The following KIAA1549L variants were observed in gnomAD, a reference collection of about 807,000 sequenced individuals.
KIAA1549L encodes KIAA1549 like.
A neutral mutation model predicts 160.7 loss-of-function variants in KIAA1549L; 88 were observed. The ratio of observed to expected loss-of-function variants is 0.55; its 90% CI spans 0.46 to 0.65. KIAA1549L has a LOEUF of 0.65. Among genes scored for constraint, KIAA1549L ranks in the 30% least tolerant of loss-of-function variants. KIAA1549L has a pLI of 0.00. For synonymous variants in KIAA1549L, 950 were observed against 976.7 expected (o/e 0.97, Z 0.51); for missense variants, 2,258 against 2,437.5 (o/e 0.93, Z 1.55).
At chr11:33,386,769 T>C (rs1850181333) in intron 1 of KIAA1549L, among the ~76,000 whole-genome samples, 2 of 151,886 alleles carry the variant, frequency 1.3e-5, no homozygotes, top group African/African-American at 4.8e-5. Context: ...AGTTTTGTTT[T>C]GCTAAAAGGT....
rs928112310 is a variant in KIAA1549L, at chr11:33,671,795, T to C, written c.*3641T>C. 2.0e-5 allele frequency: 3 copies of C among 152,238 alleles called. No individual in the cohort carries two copies. Among genetic ancestry groups the C allele is most frequent in the African/African-American group, 7.2e-5 (3 of 41,460 alleles). 9.4% of individuals were successfully genotyped at this position (152,238 alleles called of 1,614,324 possible). A position where few individuals can be genotyped will look rare whatever the true frequency, so the allele number is the denominator to read the frequency against. ...GGTGCTCAACATTTAATGAATAATATAACAGATACTGTCTTAAAAGTTTAA... is the reference window on the plus strand; with the variant it reads ...GGTGCTCAACATTTAATGAATAATACAACAGATACTGTCTTAAAAGTTTAA... On this transcript the variant is annotated 3_prime_UTR_variant, in exon 21 of 21. Transcript: ENST00000658780.
intron 1 of KIAA1549L, among the ~76,000 whole-genome samples, chr11:33,539,573 ACTTT>A (rs1240222930): frequency 6.6e-6 from 1 of 152,200 alleles, no homozygotes; most frequent in East Asian, 1.9e-4. Flanking sequence ...GAACATTGCT[ACTTT>A]CTTCTTTCTC....
chr11:33,668,015 C>T lies in KIAA1549L; in HGVS notation c.6302C>T (p.Ser2101Leu), dbSNP rs574100423. Residue 2101 changes from serine (S) to leucine (L), a missense_variant, in exon 21 of 21, where the codon TCG becomes TTG. Coordinates refer to ENST00000658780, the MANE Select transcript of KIAA1549L (RefSeq NM_012194.3). Reference protein sequence around the residue: ...EQAPAPSTAASQQSLAENDPS... With the variant: ...EQAPAPSTAALQQSLAENDPS... ...GCCCCGGCGCCCTCCACAGCGGCCTCGCAGCAGAGCCTGGCAGAAAACGAC... is the reference window on the plus strand; with the variant it reads ...GCCCCGGCGCCCTCCACAGCGGCCTTGCAGCAGAGCCTGGCAGAAAACGAC... 5.6e-5 allele frequency: 91 copies of T among 1,613,970 alleles called. No individual in the cohort carries two copies. The highest frequency in any genetic ancestry group is 2.0e-4 in the Admixed American group (12 of 60,022).
At chr11:33,628,820 C>G (rs886875115) in intron 16 of KIAA1549L, among the ~76,000 whole-genome samples, 8 of 151,354 alleles carry the variant, frequency 5.3e-5, no homozygotes, top group Non-Finnish European at 1.2e-4. Flanking sequence ...GAATTTGATC[C>G]TGTCATTATG....
intron 1 of KIAA1549L, among the ~76,000 whole-genome samples, chr11:33,399,563 A>G (rs559023174): frequency 2.6e-4 from 39 of 152,276 alleles, no homozygotes; most frequent in African/African-American, 8.9e-4. Flanking sequence ...ATCACCTCCT[A>G]CACAGAGGCA....
chr11:33,471,754 C>T (rs1852182455), intron 1 of KIAA1549L, among the ~76,000 whole-genome samples: 1 of 152,196 alleles, frequency 6.6e-6, no homozygotes, highest in South Asian at 2.1e-4. Context: ...ATCTGTTAGC[C>T]CTATCAGGGA....
intron 1 of KIAA1549L, among the ~76,000 whole-genome samples, chr11:33,427,166 G>T (rs1851133948): frequency 6.6e-6 from 1 of 152,100 alleles, no homozygotes; most frequent in South Asian, 2.1e-4. Flanking sequence ...TATTTCCCTA[G>T]CACAGTCATC....
intron 1 of KIAA1549L, chr11:33,403,326 GACAC>G (rs1396840876): frequency 6.7e-4 from 9 of 13,468 alleles, no homozygotes; most frequent in African/African-American, 3.4e-3. Context: ...GACACACACG[GACAC>G]ACACATGCAG....
rs947156502 is a variant in KIAA1549L at position 33,547,777 on chromosome 11, C to G, written c.3399C>G (p.Thr1133=). Residue 1133 remains threonine, a synonymous_variant, in exon 4 of 21, where the codon ACC becomes ACG. Transcript: ENST00000658780. ...KLLVKTVLFL[T]QRRVQISESL... is the part of the protein sequence containing the mutation. ...TTTACCCCACAGTTCTCTTTCTCAC[C>G]CAAAGGAGAGTGCAGATCAGTGAAT... 1.9e-6 allele frequency: 3 copies of G among 1,611,388 alleles called. No individual in the cohort carries two copies. Among genetic ancestry groups the G allele is most frequent in the Admixed American group, 3.3e-5 (2 of 59,924 alleles).
intron 15 of KIAA1549L, among the ~76,000 whole-genome samples, chr11:33,613,537 A>T (rs1312261411): frequency 1.3e-5 from 2 of 152,188 alleles, no homozygotes; most frequent in Non-Finnish European, 2.9e-5. Flanking sequence ...GGAAAAGCAG[A>T]AGCAAAAGAG....
intron 1 of KIAA1549L, among the ~76,000 whole-genome samples, chr11:33,497,979 T>C (rs1323490710): frequency 6.6e-6 from 1 of 152,120 alleles, no homozygotes; most frequent in Non-Finnish European, 1.5e-5. Flanking sequence ...CTCTGAACCT[T>C]ATCTCCTCAT....
chr11:33,528,065 G>C (rs1277081205), intron 1 of KIAA1549L, among the ~76,000 whole-genome samples: 1 of 152,120 alleles, frequency 6.6e-6, no homozygotes, highest in East Asian at 1.9e-4. Context: ...ATGTGACTTT[G>C]CTCCCCATTC....
chr11:33,586,353 C>T (rs12805496), intron 11 of KIAA1549L, among the ~76,000 whole-genome samples: 1 of 152,156 alleles, frequency 6.6e-6, no homozygotes, highest in Non-Finnish European at 1.5e-5. Context: ...TACCCTTACC[C>T]TTCTTCAGAG....
chr11:33,393,005 C>T (rs1252612553), intron 1 of KIAA1549L, among the ~76,000 whole-genome samples: 1 of 152,174 alleles, frequency 6.6e-6, no homozygotes, highest in Non-Finnish European at 1.5e-5. Context: ...GTCTTGTCCC[C>T]CTTTAAACCA....
chr11:33,665,671 GC>G (rs372328455), intron 20 of KIAA1549L: 1 of 152,370 alleles, frequency 6.6e-6, no homozygotes, highest in East Asian at 1.9e-4. Context: ...CAACCTTCAG[GC>G]CCCCCCTGGC....
At chr11:33,587,159 A>G (rs1031735023) in intron 11 of KIAA1549L, among the ~76,000 whole-genome samples, 1 of 152,258 alleles carries the variant, frequency 6.6e-6, no homozygotes, top group Admixed American at 6.5e-5. Context: ...AATACTACCT[A>G]TAAGTTGGCT....
intron 1 of KIAA1549L, among the ~76,000 whole-genome samples, chr11:33,406,201 C>G (rs150734823): frequency 2.7e-4 from 41 of 152,306 alleles, no homozygotes; most frequent in African/African-American, 8.9e-4. Flanking sequence ...GTTGCTCCCC[C>G]CAAAACTGGC....
intron 13 of KIAA1549L, among the ~76,000 whole-genome samples, chr11:33,601,273 T>C (rs879440519): frequency 4.6e-5 from 7 of 152,172 alleles, no homozygotes; most frequent in Non-Finnish European, 7.3e-5. Flanking sequence ...AGGTTTTAGG[T>C]TTGAACTTTT....
intron 6 of KIAA1549L, among the ~76,000 whole-genome samples, chr11:33,558,344 G>T (rs555994143): frequency 1.3e-5 from 2 of 152,266 alleles, no homozygotes; most frequent in African/African-American, 2.4e-5. Flanking sequence ...GGTGAGTGCG[G>T]GGTTCGAGGT....
Sources: allele counts gnomAD v4.1 joint callset (sites outside exome capture counted in the v4.1 genomes callset), GRCh38; gene constraint gnomAD v4.1.1; transcripts MANE v1.5; gene names NCBI Gene and HGNC (gene_info 2026-07-23, HGNC 2026-07-21).